SYT12: variants seen among roughly 807,000 people sequenced by gnomAD.
The protein encoded by SYT12 is synaptotagmin 12.
Under a neutral mutation model 39.5 loss-of-function variants are expected in SYT12, and 27 were observed. The ratio of observed to expected loss-of-function variants is 0.68; its 90% CI spans 0.50 to 0.94. SYT12 has a LOEUF of 0.94. Ranked by LOEUF, SYT12 falls within the 40% of genes least tolerant of loss-of-function variation. The pLI is 0.00. For missense variants in SYT12, 536 were observed against 572.6 expected (o/e 0.94, Z 0.65); for synonymous variants, 233 against 239.7 (o/e 0.97, Z 0.26).
Position 67,040,176 on chromosome 11 carries a change from G to C in SYT12, c.594G>C (p.Pro198=). The stretch of plus-strand genomic sequence containing the variant: ...GCTTCATGCGCGTCAGCCTGCTGCC[G>C]GACGAGCAGATCGTGGGCATTTCTC... ...ESCFMRVSLL[P]DEQIVGISRI... The change falls in exon 4 of 8, where the codon CCG becomes CCC. Residue 198 remains proline, a synonymous_variant. Coordinates refer to ENST00000527043, the MANE Select transcript of SYT12 (RefSeq NM_177963.4). 1.3e-6 allele frequency: 2 copies of C among 1,587,420 alleles called. No homozygotes were observed. The highest frequency in any genetic ancestry group is 1.7e-6 in the Non-Finnish European group (2 of 1,163,554).
intron 3 of SYT12, among the ~76,000 whole-genome samples, chr11:67,012,675 A>T (rs1318122265): frequency 1.3e-5 from 2 of 152,186 alleles, no homozygotes; most frequent in African/African-American, 4.8e-5. Flanking sequence ...TTCTGTGTCC[A>T]CCTTAAAATG....
At chr11:67,035,653 T>C (rs1163197884) in intron 3 of SYT12, among the ~76,000 whole-genome samples, 1 of 151,354 alleles carries the variant, frequency 6.6e-6, no homozygotes, top group African/African-American at 2.4e-5. Context: ...GAGACGGGGT[T>C]TCACCATGTT....
At chr11:67,031,553 G>A (rs938498932) in intron 2 of SYT12, 13 of 152,254 alleles carry the variant, frequency 8.5e-5, no homozygotes, top group African/African-American at 3.1e-4. Flanking sequence ...TAAATAGTAA[G>A]TGCTTCATAA....
intron 3 of SYT12, among the ~76,000 whole-genome samples, chr11:67,015,675 G>C (rs140250514): frequency 6.6e-6 from 1 of 152,218 alleles, no homozygotes; most frequent in Non-Finnish European, 1.5e-5. Flanking sequence ...CCTTCATGGC[G>C]TCAAGGAGGT....
intron 4 of SYT12, 40 bp downstream of exon 4, chr11:67,040,243 C>G (rs1486586157): frequency 6.5e-7 from 1 of 1,537,880 alleles, no homozygotes; most frequent in South Asian, 1.2e-5. Flanking sequence ...GTGCTCTGGG[C>G]TCACTAGATG....
chr11:67,041,381 G>A (rs1372865413), intron 4 of SYT12, among the ~76,000 whole-genome samples: 3 of 151,958 alleles, frequency 2.0e-5, no homozygotes, highest in Non-Finnish European at 4.4e-5. Flanking sequence ...TGAGGCAGGA[G>A]AATTGCATGA....
At chr11:67,032,769 G>A (rs934797469) in intron 2 of SYT12, 3 of 152,388 alleles carry the variant, frequency 2.0e-5, no homozygotes, top group African/African-American at 7.2e-5. Flanking sequence ...GCTGGGCATG[G>A]TGGTGGACGC....
intron 3 of SYT12, among the ~76,000 whole-genome samples, chr11:67,017,201 T>C (rs1435185515): frequency 1.3e-5 from 2 of 152,106 alleles, no homozygotes; most frequent in African/African-American, 2.4e-5. Context: ...CCTGACCCCA[T>C]AGCATTAGGC....
chr11:67,049,026 G>A lies in SYT12; in HGVS notation c.*269G>A, dbSNP rs1434678600. ...CAACCCTGCTCCTCCCGGTAGGCCA[G>A]CTGCCGAGCTGGGCTATGTTCTGGA... is the stretch of plus-strand genomic sequence containing the variant. On this transcript the variant is annotated 3_prime_UTR_variant, in exon 8 of 8. Transcript: ENST00000527043. The A allele has an allele frequency of 7.7e-6, 3 of 388,012 alleles. No homozygotes were observed. Among genetic ancestry groups the A allele is most frequent in the Non-Finnish European group, 1.4e-5 (3 of 213,480 alleles). The allele number at this position is 388,012 out of a possible 1,614,324, so 24.0% of individuals were successfully genotyped here.
At chr11:67,038,993 T>A (rs1591371415) in intron 3 of SYT12, among the ~76,000 whole-genome samples, 3 of 127,632 alleles carry the variant, frequency 2.4e-5, no homozygotes, top group Non-Finnish European at 1.5e-5. Flanking sequence ...TCTCAAAAAA[T>A]AAATAAATAA....
chr11:67,035,826 C>T (rs1407741424), intron 3 of SYT12, among the ~76,000 whole-genome samples: 4 of 91,568 alleles, frequency 4.4e-5, no homozygotes, highest in African/African-American at 2.2e-4. Context: ...TCCTTCCTTC[C>T]TTCCTTCCTT....
At chr11:67,040,231 G>T (rs779301088) in intron 4 of SYT12, 28 bp downstream of exon 4, 2 of 1,551,774 alleles carry the variant, frequency 1.3e-6, no homozygotes, top group Non-Finnish European at 8.7e-7. Flanking sequence ...CGGGGCAGAA[G>T]GGTGCTCTGG....
In SYT12 at chr11:67,048,898, C is replaced by A; in HGVS notation, c.*141C>A. ...GAGTCCTCATGACCCATCCTGGTCT[C>A]TCTGTCCAGATTGCAGCAGAGGAGT... On this transcript the variant is annotated 3_prime_UTR_variant, in exon 8 of 8. Coordinates refer to ENST00000527043, the MANE Select transcript of SYT12 (RefSeq NM_177963.4). 1.0e-6 allele frequency: 1 copy of A among 992,954 alleles called. No individual in the cohort carries two copies. The highest frequency in any genetic ancestry group is 1.5e-6 in the Non-Finnish European group (1 of 688,360). 61.5% of individuals were successfully genotyped at this position (992,954 alleles called of 1,614,324 possible). A position where few individuals can be genotyped will look rare whatever the true frequency, so the allele number is the denominator to read the frequency against.
At position 67,034,656 on chromosome 11, in the gene SYT12, C is replaced by T. The variant is rs779592544; in HGVS notation, c.46C>T (p.Pro16Ser). 15 of 1,593,282 alleles carry T rather than the reference C, an allele frequency of 9.4e-6. No homozygotes were observed. The highest frequency in any genetic ancestry group is 1.3e-5 in the Non-Finnish European group (15 of 1,172,076). Residue 16 changes from proline to serine, a missense_variant, in exon 3 of 8, where the codon CCC (proline) becomes TCC (serine). By Grantham distance (74) the Pro-to-Ser change is moderately conservative. Transcript: ENST00000527043. The part of the protein sequence containing the change: ...AEYHLSVIKS[P>S]PGWEVGVYAA... ...CCCTTGCCTTGCAGTCATCAAGAGC[C>T]CCCCTGGCTGGGAGGTGGGTGTCTA... is the stretch of plus-strand genomic sequence containing the variant.
At chr11:67,011,017 C>T (rs1039821617) in intron 3 of SYT12, 2 of 152,144 alleles carry the variant, frequency 1.3e-5, no homozygotes, top group African/African-American at 4.8e-5. Context: ...CTTTATCACA[C>T]TATATTCAGG....
chr11:67,022,361 T>A (rs1421348262), upstream of SYT12, among the ~76,000 whole-genome samples: 2 of 148,798 alleles, frequency 1.3e-5, no homozygotes, highest in African/African-American at 5.0e-5. Flanking sequence ...GTTGGAGAGG[T>A]CTCCCCAGGT....
chr11:67,012,082 C>T (rs1175103107), intron 3 of SYT12, among the ~76,000 whole-genome samples: 2 of 150,592 alleles, frequency 1.3e-5, no homozygotes, highest in South Asian at 2.2e-4. Context: ...GTTGAAAAGT[C>T]GCCTCCAGCC....
At chr11:67,032,861 T>G (rs1950295971) in intron 2 of SYT12, 1 of 144,506 alleles carries the variant, frequency 6.9e-6, no homozygotes, top group Admixed American at 7.3e-5. Flanking sequence ...GCCGAAATCG[T>G]GCCATTGCAC....
intron 3 of SYT12, among the ~76,000 whole-genome samples, chr11:67,035,184 T>C (rs1248589286): frequency 6.6e-6 from 1 of 151,796 alleles, no homozygotes; most frequent in Non-Finnish European, 1.5e-5. Flanking sequence ...CAATTTCATA[T>C]TTTTAGTAGA....
Sources: gnomAD v4.1 joint callset for allele counts (sites outside exome capture counted in the v4.1 genomes callset) on GRCh38, gnomAD v4.1.1 for gene constraint, MANE v1.5 for transcripts, NCBI Gene and HGNC (gene_info 2026-07-23, HGNC 2026-07-21) for gene names.